Variants in COL12A1 observed in about 807,000 individuals in gnomAD.
The protein encoded by COL12A1 is collagen alpha-1(XII) chain.
COL12A1 carries 114 observed loss-of-function variants against 349.7 expected under a neutral mutation model. That is an observed-to-expected ratio of 0.33 (90% CI 0.28 to 0.38). COL12A1 has a LOEUF of 0.38. Among genes scored for constraint, COL12A1 ranks in the 10% least tolerant of loss-of-function variants. The probability of loss-of-function intolerance (pLI) is 1.00; values close to 1 mark genes in which losing one functional copy is unlikely to be tolerated. For missense variants in COL12A1, 3,284 were observed against 3,756.9 expected (o/e 0.87, Z 3.29); for synonymous variants, 1,369 against 1,329.0 (o/e 1.03, Z -0.66).
chr6:75,126,764 A>C (rs1300524163), intron 38 of COL12A1, among the ~76,000 whole-genome samples: 1 of 152,172 alleles, frequency 6.6e-6, no homozygotes, highest in Non-Finnish European at 1.5e-5. Context: ...TATAGAAAAT[A>C]AAAGAGATCT....
chr6:75,151,316 AG>A (rs777245322), intron 20 of COL12A1, 29 bp from the exon 21 acceptor site: 16 of 1,591,170 alleles, frequency 1.0e-5, no homozygotes. Context: ...ACAAATTAAA[AG>A]CACTTCTCAG....
intron 31 of COL12A1, 129 bp from the exon 32 acceptor site, chr6:75,134,984 C>G (rs1332019): frequency 5.8e-6 from 5 of 855,804 alleles, no homozygotes; most frequent in South Asian, 6.1e-5. Flanking sequence ...ATACCACAGT[C>G]AAGGTTTAAC....
At chr6:75,182,107 A>T (rs1752575966) in intron 10 of COL12A1, among the ~76,000 whole-genome samples, 1 of 151,848 alleles carries the variant, frequency 6.6e-6, no homozygotes, top group South Asian at 2.1e-4. Flanking sequence ...AAAAAAAAAA[A>T]AAAAGAAAAA....
chr6:75,147,931 T>C, intron 22 of COL12A1, 127 bp from the exon 23 acceptor site: 1 of 1,033,880 alleles, frequency 9.7e-7, no homozygotes, highest in Non-Finnish European at 1.4e-6. Flanking sequence ...TTGTCTTTTG[T>C]ATTTGGAAAC....
rs1453491565 is a variant in COL12A1 at position 75,200,690 on chromosome 6, C to T, written c.73+2030G>A. ...ATCTCACTAATAATTTTCATATTGG[C>T]TCCATGATGAAATAATTTAGGTTAA... On this transcript the variant is annotated intron_variant, in intron 2 of 65. Transcript: ENST00000322507. Among the ~76,000 whole-genome samples, 3 of 152,112 alleles carry T rather than the reference C, an allele frequency of 2.0e-5. 1 individual carries two copies. The South Asian group carries it at 6.2e-4, about 32-fold the overall frequency.
Position 75,109,180 on chromosome 6 carries a change from T to C in COL12A1, c.7951-13A>G, listed in dbSNP as rs1465344270. 6.5e-7 allele frequency: 1 copy of C among 1,534,310 alleles called. No individual in the cohort carries two copies. The highest frequency in any genetic ancestry group is 8.8e-7 in the Non-Finnish European group (1 of 1,136,252). On this transcript the variant is annotated splice_polypyrimidine_tract_variant and intron_variant, in intron 51 of 65. Transcript: ENST00000322507. The stretch of plus-strand genomic sequence containing the variant: ...CTACAATATGAACCTAAAAAGATAA[T>C]TTGTTTCCATTATAAAATTTCTACA...
chr6:75,179,589 A>G lies in COL12A1; in HGVS notation c.2164+1350T>C, dbSNP rs1331950553. Among the ~76,000 whole-genome samples, 8 of 151,892 alleles carry G rather than the reference A, an allele frequency of 5.3e-5. No individual in the cohort carries two copies. The East Asian group carries it at 1.3e-3, about 26-fold the overall frequency. On this transcript the variant is annotated intron_variant, in intron 11 of 65. Coordinates refer to ENST00000322507, the MANE Select transcript of COL12A1 (RefSeq NM_004370.6). ...AGCAATCTTATCTGAAAAATGTTTCACAGAAAAAAGATTCTCTAGCTTTTA... is the reference window on the plus strand; with the variant it reads ...AGCAATCTTATCTGAAAAATGTTTCGCAGAAAAAAGATTCTCTAGCTTTTA...
intron 21 of COL12A1, 132 bp downstream of exon 21, chr6:75,151,009 C>T (rs372641244): frequency 1.7e-5 from 10 of 597,970 alleles, no homozygotes; most frequent in Non-Finnish European, 7.8e-6. Context: ...GACATCCAAC[C>T]GGCAGAGGCC....
Position 75,087,682 on chromosome 6 carries a change from G to A in COL12A1, c.9076C>T (p.Pro3026Ser), listed in dbSNP as rs376189614. The change falls in exon 65 of 66, where the codon CCT becomes TCT. Residue 3026 changes from proline (P) to serine (S), a missense_variant. This residue lies in a region of COL12A1 where 683 missense variants were observed against 932.1 expected (regional missense o/e 0.73). Transcript: ENST00000322507. ...ATACCTGAGTTTCCAGGACGGCCAG[G>A]GGGGCCAGGGGGACCTCTTGAACCT... ...STGSRGPPGP[P>S]GRPGNSGIRG... The A allele has an allele frequency of 7.5e-6, 12 of 1,609,598 alleles. No homozygotes were observed. In the East Asian group the frequency reaches 1.3e-4, roughly 18 times the overall value.
At chr6:75,198,149 A>T (rs1329500328) in intron 2 of COL12A1, among the ~76,000 whole-genome samples, 2 of 152,256 alleles carry the variant, frequency 1.3e-5, no homozygotes, top group African/African-American at 4.8e-5. Context: ...AATGCAAAGT[A>T]GAAGAAATAT....
At position 75,192,930 on chromosome 6, in the gene COL12A1, A is replaced by T. The variant is rs150583915; in HGVS notation, c.191-575T>A. 3.3e-5 allele frequency among the ~76,000 whole-genome samples: 5 copies of T among 152,284 alleles called. No homozygotes were observed. In the East Asian group the frequency reaches 9.6e-4, roughly 29 times the overall value. The stretch of plus-strand genomic sequence containing the variant: ...GCAGGTATCAAATATTTCAAGGTCC[A>T]GTATACTAGGTGTTTACTTATATTT... On this transcript the variant is annotated intron_variant, in intron 3 of 65. Transcript: ENST00000322507.
chr6:75,128,066 A>G (rs553003097), intron 38 of COL12A1, among the ~76,000 whole-genome samples: 15 of 152,288 alleles, frequency 9.8e-5, no homozygotes, highest in South Asian at 6.2e-4. Flanking sequence ...AAATATGTAC[A>G]TGGTCTTCTT....
At position 75,148,472 on chromosome 6, in the gene COL12A1, T is replaced by C. The variant is rs201401202; in HGVS notation, c.4173A>G (p.Leu1391=). ...GPGDLEAPSN[L]VISERTHRSF... is the part of the protein sequence containing the mutation. ...AACGATGGGTTCGCTCAGAAATAACTAAGTTAGAAGGTGCTTCCAAATCAC... is the reference window on the plus strand; with the variant it reads ...AACGATGGGTTCGCTCAGAAATAACCAAGTTAGAAGGTGCTTCCAAATCAC... The change falls in exon 22 of 66, where the codon TTA becomes TTG. Residue 1391 remains leucine (L), a synonymous_variant. Transcript: ENST00000322507. The C allele has an allele frequency of 1.9e-6, 3 of 1,613,434 alleles. No homozygotes were observed. In the East Asian group the frequency reaches 6.7e-5, roughly 36 times the overall value.
chr6:75,166,043 GATT>G (rs1383996159), intron 13 of COL12A1, among the ~76,000 whole-genome samples: 4 of 151,924 alleles, frequency 2.6e-5, no homozygotes, highest in Non-Finnish European at 5.9e-5. Context: ...TTCAGGACAA[GATT>G]GACATCCAAA....
At position 75,134,825 on chromosome 6, in the gene COL12A1, C is replaced by G; in HGVS notation, c.5425G>C (p.Val1809Leu). The G allele has an allele frequency of 6.2e-7, 1 of 1,612,568 alleles. No individual in the cohort carries two copies. ...GTGTCTGGCTTCAGTTTCTGCAGGA[C>G]CACACTGTTCTGCCGTCCTCCTATT... ...TTIGGRQNSVVLQKLKPDTPY... is the reference protein window; with the variant it reads ...TTIGGRQNSVLLQKLKPDTPY... The change falls in exon 32 of 66, where the codon GTC becomes CTC. Residue 1809 changes from valine (V) to leucine (L), a missense_variant. This residue lies in a region of COL12A1 where 2,601 missense variants were observed against 2,824.8 expected (regional missense o/e 0.92). Transcript: ENST00000322507.
intron 58 of COL12A1, among the ~76,000 whole-genome samples, chr6:75,099,923 A>G (rs1236947957): frequency 6.6e-6 from 1 of 151,870 alleles, no homozygotes; most frequent in Non-Finnish European, 1.5e-5. Flanking sequence ...CACTTCCACC[A>G]CTGAGTTCAC....
chr6:75,101,750 G>T, intron 57 of COL12A1, 97 bp from the exon 58 acceptor site: 1 of 1,349,458 alleles, frequency 7.4e-7, no homozygotes, highest in Non-Finnish European at 1.0e-6. Flanking sequence ...TAATTCCAGA[G>T]ACTCTGAATA....
intron 2 of COL12A1, among the ~76,000 whole-genome samples, chr6:75,201,615 G>GAA (rs1770532170): frequency 6.6e-6 from 1 of 150,786 alleles, no homozygotes; most frequent in South Asian, 2.1e-4. Context: ...CTTCATCAGG[G>GAA]GTATTTCTTT....
intron 2 of COL12A1, 108 bp downstream of exon 2, chr6:75,202,612 G>T: frequency 1.8e-6 from 2 of 1,103,244 alleles, no homozygotes; most frequent in Non-Finnish European, 1.3e-6. Context: ...ACCGGAGAAA[G>T]CACGAAGCGC....
Sources: gnomAD v4.1 joint callset for allele counts (sites outside exome capture counted in the v4.1 genomes callset) on GRCh38, gnomAD v4.1.1 for gene constraint, gnomAD v4.1.1 regional missense constraint, MANE v1.5 for transcripts, NCBI Gene and HGNC (gene_info 2026-07-23, HGNC 2026-07-21) for gene names.